Variants in TSNARE1 observed in about 807,000 individuals in gnomAD.
TSNARE1 encodes t-SNARE domain-containing protein 1.
TSNARE1 carries 49 observed loss-of-function variants against 62.0 expected under a neutral mutation model. The ratio of observed to expected loss-of-function variants is 0.79; its 90% CI spans 0.63 to 1.00. TSNARE1 has a LOEUF of 1.00. Ranked by LOEUF, TSNARE1 falls within the 50% of genes least tolerant of loss-of-function variation. The pLI, the probability that TSNARE1 is intolerant of heterozygous loss-of-function variation, is 0.00. For synonymous variants in TSNARE1, 328 were observed against 294.4 expected, an observed-to-expected ratio of 1.11 and a Z score of -1.17; for missense variants, 755 against 700.1, an observed-to-expected ratio of 1.08 and a Z score of -0.88.
rs557890185 is a variant in TSNARE1, at chr8:142,335,352, T to C, written c.746-3521A>G. Among the ~76,000 whole-genome samples, 5 of 152,334 alleles carry C rather than the reference T, an allele frequency of 3.3e-5. No homozygotes were observed. In the East Asian group the frequency reaches 9.6e-4, roughly 29 times the overall value. ...AGGTGGGGTCACCATGTGTTATAAA[T>C]GACGTGTGGTCCTGAATGTACTGAA... On this transcript the variant is annotated intron_variant, in intron 4 of 13. Transcript: ENST00000524325.
intron 9 of TSNARE1, among the ~76,000 whole-genome samples, chr8:142,312,678 CA>C (rs1262575349): frequency 4.6e-5 from 7 of 152,200 alleles, no homozygotes; most frequent in Non-Finnish European, 1.0e-4. Context: ...ATCACGCACA[CA>C]CCAGCGAATA....
intron 11 of TSNARE1, chr8:142,280,243 G>T: frequency 1.0e-6 from 1 of 985,378 alleles, no homozygotes; most frequent in Non-Finnish European, 1.2e-6. Flanking sequence ...TGTGGAGCCC[G>T]GCCCGGCACC....
At chr8:142,274,257 C>T in intron 12 of TSNARE1, 1 of 985,426 alleles carries the variant, frequency 1.0e-6, no homozygotes, top group South Asian at 4.7e-5. Context: ...GCCAGCCTGA[C>T]CTGTCAGGTC....
At chr8:142,273,415 G>T (rs567569288) in intron 12 of TSNARE1, 3 of 985,270 alleles carry the variant, frequency 3.0e-6, no homozygotes, top group Non-Finnish European at 3.6e-6. Context: ...CCTCCTGGAG[G>T]CCCCTGGGCC....
chr8:142,344,324 G>A lies in TSNARE1; in HGVS notation c.387C>T (p.Cys129=). 6.3e-7 allele frequency: 1 copy of A among 1,587,228 alleles called. No homozygotes were observed. Among genetic ancestry groups the A allele is most frequent in the South Asian group, 1.1e-5 (1 of 88,064 alleles). The change falls in exon 4 of 14, where the codon TGC becomes TGT. Residue 129 remains cysteine (C), a synonymous_variant. Coordinates refer to ENST00000524325, the MANE Select transcript of TSNARE1 (RefSeq NM_145003.5). ...ACACCAGCACCTCGGTCTCCTGCGGGCAGAAGTTGGGCTTCCTCTTCTTGG... is the reference window on the plus strand; with the variant it reads ...ACACCAGCACCTCGGTCTCCTGCGGACAGAAGTTGGGCTTCCTCTTCTTGG... ...TRAKKRKPNF[C]PQETEVLVSK... is the part of the protein sequence containing the mutation.
chr8:142,225,849 C>G (rs1376750436), intron 13 of TSNARE1, among the ~76,000 whole-genome samples: 1 of 152,204 alleles, frequency 6.6e-6, no homozygotes, highest in East Asian at 1.9e-4. Flanking sequence ...TCTCTCATAG[C>G]CCGGGAGGTG....
At chr8:142,358,849 T>G (rs1834940906) in intron 1 of TSNARE1, among the ~76,000 whole-genome samples, 1 of 151,832 alleles carries the variant, frequency 6.6e-6, no homozygotes, top group African/African-American at 2.4e-5. Context: ...ACCCCCCAGG[T>G]GCCCCACGCT....
At chr8:142,375,042 C>T (rs1420681111) in intron 1 of TSNARE1, among the ~76,000 whole-genome samples, 1 of 152,214 alleles carries the variant, frequency 6.6e-6, no homozygotes, top group Non-Finnish European at 1.5e-5. Context: ...GTCACCACAC[C>T]TCAACCACAG....
chr8:142,239,191 G>A (rs1052278525), intron 12 of TSNARE1, among the ~76,000 whole-genome samples: 1 of 152,182 alleles, frequency 6.6e-6, no homozygotes, highest in Non-Finnish European at 1.5e-5. Flanking sequence ...TGAGTTCAAG[G>A]TCCCACTGAG....
At chr8:142,271,419 G>A (rs1040301529) in intron 12 of TSNARE1, 14 of 1,245,108 alleles carry the variant, frequency 1.1e-5, no homozygotes, top group Admixed American at 8.4e-5. Context: ...TCCAGCAGCT[G>A]CTGCTCAAAT....
At chr8:142,216,346 G>T (rs1420481111) in intron 13 of TSNARE1, among the ~76,000 whole-genome samples, 1 of 152,190 alleles carries the variant, frequency 6.6e-6, no homozygotes, top group Non-Finnish European at 1.5e-5. Flanking sequence ...GGGGTGTGGG[G>T]CTGGGAAGGA....
At chr8:142,406,961 C>T (rs1273764491), upstream of TSNARE1, 2 of 152,258 alleles carry the variant, frequency 1.3e-5, no homozygotes, top group Admixed American at 6.5e-5. Context: ...GCATAACAGC[C>T]TCCCAAGGTG....
rs1823809577 is a variant in TSNARE1, at chr8:142,291,810, T to C, written c.1291-7325A>G. Among the ~76,000 whole-genome samples the C allele has an allele frequency of 6.6e-6, 1 of 151,830 alleles. No homozygotes were observed. The highest frequency in any genetic ancestry group is 1.5e-5 in the Non-Finnish European group (1 of 67,940). On this transcript the variant is annotated intron_variant, in intron 10 of 13. Transcript: ENST00000524325. The surrounding 1 kb of genome is among the most constrained non-coding windows in gnomAD (Gnocchi z 4.8). ...AGCGGCTCAGGCGTCAGGCATAGGG[T>C]GCTCTGGGCCTCGGGCAATAGGAAC...
intron 11 of TSNARE1, chr8:142,280,455 C>T (rs1821236008): frequency 2.5e-6 from 1 of 393,814 alleles, no homozygotes; most frequent in African/African-American, 2.2e-5. Flanking sequence ...CCAGCATAGG[C>T]AGCCTACATC....
intron 6 of TSNARE1, among the ~76,000 whole-genome samples, chr8:142,330,609 T>C (rs778962166): frequency 1.3e-5 from 2 of 152,226 alleles, no homozygotes; most frequent in Non-Finnish European, 2.9e-5. Flanking sequence ...CCAGCAGGCA[T>C]GCACCCCCTG....
At chr8:142,257,338 C>T (rs1363303104) in intron 12 of TSNARE1, among the ~76,000 whole-genome samples, 1 of 152,180 alleles carries the variant, frequency 6.6e-6, no homozygotes, top group Non-Finnish European at 1.5e-5. Flanking sequence ...CAGGAGGGGC[C>T]TGCGGAGGGC....
intron 12 of TSNARE1, among the ~76,000 whole-genome samples, chr8:142,232,593 G>C (rs1817174905): frequency 6.6e-6 from 1 of 152,246 alleles, no homozygotes; most frequent in Admixed American, 6.5e-5. Context: ...GGGAGCACCT[G>C]CGGAAGAAAG....
chr8:142,216,971 C>T (rs7844989), intron 13 of TSNARE1, among the ~76,000 whole-genome samples: 18,831 of 152,048 alleles, frequency 0.12, 2,683 homozygotes, highest in African/African-American at 0.35. Context: ...GGACCGGGCG[C>T]GGTGGCTCAC....
upstream of TSNARE1, chr8:142,403,374 G>A (rs1206752221): frequency 6.8e-6 from 1 of 147,730 alleles, no homozygotes; most frequent in Non-Finnish European, 1.5e-5. Flanking sequence ...CTTGCCTGGT[G>A]GTGGGCCTCC....
Sources: allele counts gnomAD v4.1 joint callset (sites outside exome capture counted in the v4.1 genomes callset), GRCh38; gene constraint gnomAD v4.1.1; non-coding constraint Gnocchi (gnomAD v3.1); transcripts MANE v1.5; gene names NCBI Gene and HGNC (gene_info 2026-07-23, HGNC 2026-07-21).